Variants in DDX10 observed in about 807,000 individuals in gnomAD.
DDX10 encodes the protein probable ATP-dependent RNA helicase DDX10.
Under a neutral mutation model 104.3 loss-of-function variants are expected in DDX10, and 74 were observed. The ratio of observed to expected loss-of-function variants is 0.71; its 90% CI spans 0.59 to 0.86. The LOEUF (loss-of-function observed/expected upper bound fraction) is 0.86, where lower values mean the gene tolerates loss of function less well. Among genes scored for constraint, DDX10 ranks in the 40% least tolerant of loss-of-function variants. The pLI is 0.00. For synonymous variants in DDX10, 351 were observed against 353.4 expected (o/e 0.99, Z 0.08); for missense variants, 952 against 1,040.0 (o/e 0.92, Z 1.16).
At chr11:108,731,055 C>CTT (rs200365845) in intron 13 of DDX10, among the ~76,000 whole-genome samples, 31 of 142,688 alleles carry the variant, frequency 2.2e-4, no homozygotes, top group East Asian at 8.3e-4. Flanking sequence ...ATTGCCGTTT[C>CTT]TTTTTTTTTT....
chr11:108,838,619 A>T, intron 14 of DDX10, 54 bp downstream of exon 14: 1 of 1,543,922 alleles, frequency 6.5e-7, no homozygotes, highest in Admixed American at 1.9e-5. Flanking sequence ...ATTAGAAGAG[A>T]TCGACTCTCT....
In DDX10 at chr11:108,835,837, G is replaced by C. The variant is rs965236920; in HGVS notation, c.1966-2609G>C. Among the ~76,000 whole-genome samples, 11 of 152,054 alleles carry C rather than the reference G, an allele frequency of 7.2e-5. No individual in the cohort carries two copies. In the East Asian group the frequency reaches 1.5e-3, roughly 21 times the overall value. On this transcript the variant is annotated intron_variant, in intron 13 of 17. Transcript: ENST00000322536. ...TTTCCTTTCCATTTGAGGCGTGGTG[G>C]GGGGTGGGGGGATTGTAGGGAGAGT...
intron 13 of DDX10, among the ~76,000 whole-genome samples, chr11:108,754,393 A>G (rs926204052): frequency 6.6e-6 from 1 of 152,034 alleles, no homozygotes; most frequent in African/African-American, 2.4e-5. Flanking sequence ...CAAGTTTAGA[A>G]TCTACTGCCA....
At chr11:108,924,851 C>T (rs1233122761) in intron 17 of DDX10, among the ~76,000 whole-genome samples, 1 of 152,156 alleles carries the variant, frequency 6.6e-6, no homozygotes, top group Non-Finnish European at 1.5e-5. Context: ...TTTTCTTAGT[C>T]TAGGTGATTG....
chr11:108,846,319 T>C (rs1372766200), intron 15 of DDX10, among the ~76,000 whole-genome samples: 1 of 152,204 alleles, frequency 6.6e-6, no homozygotes, highest in Non-Finnish European at 1.5e-5. Context: ...AATACATTAT[T>C]ATTAACATGG....
intron 13 of DDX10, among the ~76,000 whole-genome samples, chr11:108,754,704 A>G (rs2094342491): frequency 1.3e-5 from 2 of 152,006 alleles, no homozygotes; most frequent in African/African-American, 2.4e-5. Context: ...TCTAGAATCT[A>G]TGGGTGATAG....
chr11:108,833,797 T>G (rs1424531928), intron 13 of DDX10, among the ~76,000 whole-genome samples: 1 of 152,212 alleles, frequency 6.6e-6, no homozygotes, highest in African/African-American at 2.4e-5. Context: ...TTGGTTTCAT[T>G]TTTCTGATTT....
chr11:108,812,673 A>G (rs1862199737), intron 13 of DDX10, among the ~76,000 whole-genome samples: 1 of 152,130 alleles, frequency 6.6e-6, no homozygotes, highest in Non-Finnish European at 1.5e-5. Flanking sequence ...AATTGTAATA[A>G]TAAAAAAGCC....
intron 16 of DDX10, among the ~76,000 whole-genome samples, chr11:108,883,521 TTA>T (rs2134633943): frequency 6.6e-6 from 1 of 152,262 alleles, no homozygotes; most frequent in East Asian, 1.9e-4. Context: ...CCAGATCTTC[TTA>T]TTAGTATGCA....
chr11:108,709,989 A>G (rs2094281944), intron 10 of DDX10, among the ~76,000 whole-genome samples: 2 of 152,306 alleles, frequency 1.3e-5, no homozygotes, highest in South Asian at 4.1e-4. Flanking sequence ...GCAAACCTTT[A>G]TAGCATGAAT....
chr11:108,858,958 A>G lies in DDX10; in HGVS notation c.2304+6749A>G, dbSNP rs557629233. ...CTGTGATGCAGTTCCTTGCTCATAA[A>G]TATTTGTTGATTGACCAAAAAAGTG... On this transcript the variant is annotated intron_variant, in intron 16 of 17. Coordinates refer to ENST00000322536, the MANE Select transcript of DDX10 (RefSeq NM_004398.4). Among the ~76,000 whole-genome samples, 3 of 152,320 alleles carry G rather than the reference A, an allele frequency of 2.0e-5. No individual in the cohort carries two copies. The East Asian group carries it at 5.8e-4, about 29-fold the overall frequency.
intron 16 of DDX10, among the ~76,000 whole-genome samples, chr11:108,888,898 T>TA (rs903312812): frequency 3.3e-5 from 5 of 152,138 alleles, no homozygotes; most frequent in African/African-American, 1.2e-4. Context: ...GATAAGAACA[T>TA]AGTTTGTAGC....
intron 15 of DDX10, among the ~76,000 whole-genome samples, chr11:108,849,705 A>C (rs1412534783): frequency 6.6e-6 from 1 of 152,042 alleles, no homozygotes; most frequent in African/African-American, 2.4e-5. Flanking sequence ...AGCATAAAAT[A>C]GTTTTTGGTA....
intron 1 of DDX10, among the ~76,000 whole-genome samples, chr11:108,666,751 T>C (rs184677085): frequency 1.3e-5 from 2 of 152,322 alleles, no homozygotes; most frequent in African/African-American, 4.8e-5. Flanking sequence ...CGCTTACGAT[T>C]GCGTTTAGGG....
chr11:108,830,133 A>G (rs1358248059), intron 13 of DDX10, among the ~76,000 whole-genome samples: 1 of 152,088 alleles, frequency 6.6e-6, no homozygotes, highest in Non-Finnish European at 1.5e-5. Flanking sequence ...GTTGCATTGA[A>G]TTTGTAGATT....
chr11:108,724,189 C>T (rs1264802405), intron 13 of DDX10, among the ~76,000 whole-genome samples: 1 of 151,560 alleles, frequency 6.6e-6, no homozygotes, highest in Non-Finnish European at 1.5e-5. Flanking sequence ...ACTCTTTATA[C>T]AATGTTGAAT....
chr11:108,854,850 GC>G (rs1203602722), intron 16 of DDX10, among the ~76,000 whole-genome samples: 1 of 152,020 alleles, frequency 6.6e-6, no homozygotes, highest in Admixed American at 6.6e-5. Flanking sequence ...ATCTTCTCTG[GC>G]ATATTGAAAG....
At chr11:108,707,916 G>A (rs989487737) in intron 10 of DDX10, among the ~76,000 whole-genome samples, 2 of 152,142 alleles carry the variant, frequency 1.3e-5, no homozygotes, top group African/African-American at 4.8e-5. Flanking sequence ...TTGCTTCCAA[G>A]CTTTGGCAGT....
intron 16 of DDX10, among the ~76,000 whole-genome samples, chr11:108,877,599 T>C (rs988753165): frequency 1.3e-5 from 2 of 152,200 alleles, no homozygotes; most frequent in Admixed American, 6.5e-5. Context: ...CGGTTATGCA[T>C]GATGGATTTG....
Sources: allele counts gnomAD v4.1 joint callset (sites outside exome capture counted in the v4.1 genomes callset), GRCh38; gene constraint gnomAD v4.1.1; transcripts MANE v1.5; gene names NCBI Gene and HGNC (gene_info 2026-07-23, HGNC 2026-07-21).